The following KDM4B variants were observed in gnomAD, a reference collection of about 807,000 sequenced individuals.
KDM4B encodes the protein lysine demethylase 4B.
KDM4B carries 32 observed loss-of-function variants against 125.2 expected under a neutral mutation model. That is an observed-to-expected ratio of 0.26 (90% CI 0.19 to 0.34). The LOEUF is 0.34. KDM4B is among the 10% of genes least tolerant of loss of function. KDM4B has a pLI of 1.00. For synonymous variants in KDM4B, 721 were observed against 677.9 expected, an observed-to-expected ratio of 1.06 and a Z score of -0.99; for missense variants, 1,190 against 1,577.7, an observed-to-expected ratio of 0.75 and a Z score of 4.16.
At chr19:4,990,781 C>T (rs1217527159) in intron 1 of KDM4B, among the ~76,000 whole-genome samples, 1 of 152,106 alleles carries the variant, frequency 6.6e-6, no homozygotes, top group Non-Finnish European at 1.5e-5. Flanking sequence ...TAAGGCCCTT[C>T]TTAGTGCTAT....
At chr19:5,033,905 G>A (rs1438579543) in intron 3 of KDM4B, among the ~76,000 whole-genome samples, 1 of 151,994 alleles carries the variant, frequency 6.6e-6, no homozygotes, top group African/African-American at 2.4e-5. Context: ...CTGAGGCAGG[G>A]GGATTGCTTG....
chr19:5,111,381 T>C, intron 10 of KDM4B: 1 of 764,774 alleles, frequency 1.3e-6, no homozygotes, highest in Non-Finnish European at 2.4e-6. Flanking sequence ...TCAGAACCCC[T>C]CCCTGCGTAT....
At chr19:5,029,208 C>A (rs1055629318) in intron 2 of KDM4B, among the ~76,000 whole-genome samples, 5 of 152,236 alleles carry the variant, frequency 3.3e-5, no homozygotes, top group Non-Finnish European at 1.5e-5. Context: ...ACCGCGCCCA[C>A]CAGCCTTGGC....
intron 21 of KDM4B, among the ~76,000 whole-genome samples, chr19:5,146,479 C>T (rs2039847802): frequency 1.3e-5 from 2 of 152,214 alleles, no homozygotes; most frequent in South Asian, 4.1e-4. Context: ...TCCAGCCTTC[C>T]CTGGGGGGAG....
intron 1 of KDM4B, among the ~76,000 whole-genome samples, chr19:4,996,469 G>A (rs916688684): frequency 1.3e-5 from 2 of 152,010 alleles, no homozygotes; most frequent in East Asian, 1.9e-4. Context: ...CAGCCCCCTG[G>A]GCTCAAGCGA....
intron 11 of KDM4B, among the ~76,000 whole-genome samples, chr19:5,128,229 A>T (rs1030983241): frequency 4.6e-5 from 7 of 152,062 alleles, no homozygotes; most frequent in African/African-American, 1.4e-4. Flanking sequence ...GGGGACTCTG[A>T]TGAGTGTTTC....
chr19:5,013,235 C>T (rs1434660117), intron 1 of KDM4B, among the ~76,000 whole-genome samples: 1 of 152,190 alleles, frequency 6.6e-6, no homozygotes, highest in Admixed American at 6.5e-5. Context: ...GCCCGTCGTG[C>T]AGCGGGGGAG....
At chr19:5,113,617 G>A (rs929802500) in intron 10 of KDM4B, among the ~76,000 whole-genome samples, 1 of 152,172 alleles carries the variant, frequency 6.6e-6, no homozygotes, top group South Asian at 2.1e-4. Context: ...GGGGCTTGTG[G>A]ACACAGGCGG....
intron 6 of KDM4B, among the ~76,000 whole-genome samples, chr19:5,051,296 G>T (rs73919710): frequency 6.6e-6 from 1 of 152,348 alleles, no homozygotes; most frequent in African/African-American, 2.4e-5. Flanking sequence ...GAGGGCCCTG[G>T]CCCACGCTGC....
At chr19:5,150,914 G>A (rs541987693) in intron 22 of KDM4B, among the ~76,000 whole-genome samples, 3 of 152,328 alleles carry the variant, frequency 2.0e-5, no homozygotes, top group East Asian at 3.9e-4. Flanking sequence ...TGGAGGCAGC[G>A]GAGGCAGCTC....
intron 9 of KDM4B, among the ~76,000 whole-genome samples, chr19:5,098,982 C>G (rs1211848840): frequency 6.6e-6 from 1 of 152,244 alleles, no homozygotes; most frequent in Admixed American, 6.5e-5. Context: ...TCCCTCATCC[C>G]TGCCTCCAAG....
chr19:5,026,421 G>T (rs568824625), intron 2 of KDM4B, among the ~76,000 whole-genome samples: 3 of 152,234 alleles, frequency 2.0e-5, no homozygotes, highest in Non-Finnish European at 4.4e-5. Context: ...GAGCTCAATC[G>T]AGTGTCCCAC....
At chr19:5,073,248 C>T (rs1394201101) in intron 7 of KDM4B, among the ~76,000 whole-genome samples, 5 of 152,272 alleles carry the variant, frequency 3.3e-5, no homozygotes, top group African/African-American at 9.6e-5. Flanking sequence ...ACTGAGCGGT[C>T]AGGGAGCACC....
rs115225022 is a variant in KDM4B, at chr19:5,093,327, G to A, written c.918+10823G>A. On this transcript the variant is annotated intron_variant, in intron 9 of 22. Transcript: ENST00000159111. The stretch of plus-strand genomic sequence containing the variant: ...CAGGCACCTGGTGGATGTGTGGGCA[G>A]CATGGAAGGCTGCGGAAGGCCATGG... Among the ~76,000 whole-genome samples, 1,304 of 152,326 alleles carry A rather than the reference G, an allele frequency of 8.6e-3. 21 individuals carry two copies. The highest frequency in any genetic ancestry group is 0.03 in the African/African-American group (1,245 of 41,574).
Position 5,152,884 on chromosome 19 carries a change from A to G in KDM4B, c.*1373A>G, listed in dbSNP as rs1337148180. ...TATATAGCAAGACCCCATCACTACA[A>G]ATTTTTTACAAATTAGCTAGGTGTG... On this transcript the variant is annotated 3_prime_UTR_variant, in exon 23 of 23. Transcript: ENST00000159111. The G allele has an allele frequency of 1.3e-5, 2 of 152,184 alleles. No individual in the cohort carries two copies. The highest frequency in any genetic ancestry group is 2.1e-4 in the South Asian group (1 of 4,834). The allele number at this position is 152,184 out of a possible 1,614,324, so 9.4% of individuals were successfully genotyped here.
At chr19:5,136,544 C>T (rs955707880) in intron 15 of KDM4B, among the ~76,000 whole-genome samples, 5 of 152,138 alleles carry the variant, frequency 3.3e-5, no homozygotes, top group African/African-American at 7.2e-5. Flanking sequence ...GATGTGCCCC[C>T]GGGGCAGATG....
At chr19:5,126,665 C>CACAT in intron 11 of KDM4B, among the ~76,000 whole-genome samples, 1 of 152,238 alleles carries the variant, frequency 6.6e-6, no homozygotes, top group South Asian at 2.1e-4. Context: ...TGGAGGGCGG[C>CACAT]CCCAGCTCAT....
At chr19:5,145,672 G>C (rs996119083) in intron 21 of KDM4B, among the ~76,000 whole-genome samples, 1 of 152,114 alleles carries the variant, frequency 6.6e-6, no homozygotes, top group African/African-American at 2.4e-5. Context: ...TAGAAGCGTC[G>C]CTCCCAAGCC....
intron 6 of KDM4B, among the ~76,000 whole-genome samples, chr19:5,070,328 A>G (rs2037906893): frequency 6.6e-6 from 1 of 152,316 alleles, no homozygotes; most frequent in East Asian, 1.9e-4. Flanking sequence ...GAGAGTCCCA[A>G]CATCGCAGGT....
Sources: allele counts gnomAD v4.1 joint callset (sites outside exome capture counted in the v4.1 genomes callset), GRCh38; gene constraint gnomAD v4.1.1; transcripts MANE v1.5; gene names NCBI Gene and HGNC (gene_info 2026-07-23, HGNC 2026-07-21).